SEMA3C: variants seen among roughly 807,000 people sequenced by gnomAD.
The protein encoded by SEMA3C is semaphorin 3C, also known as semaphorin-3C.
A neutral mutation model predicts 89.4 loss-of-function variants in SEMA3C; 47 were observed. That is an observed-to-expected ratio of 0.53 (90% CI 0.42 to 0.67). The LOEUF (loss-of-function observed/expected upper bound fraction) is 0.67, where lower values mean the gene tolerates loss of function less well. SEMA3C is among the 30% of genes least tolerant of loss of function. The pLI is 0.00. For missense variants in SEMA3C, 839 were observed against 929.1 expected, an observed-to-expected ratio of 0.90 and a Z score of 1.26; for synonymous variants, 310 against 320.2, an observed-to-expected ratio of 0.97 and a Z score of 0.34.
intron 2 of SEMA3C, among the ~76,000 whole-genome samples, chr7:80,904,949 C>T (rs1791969795): frequency 6.6e-6 from 1 of 151,736 alleles, no homozygotes; most frequent in South Asian, 2.1e-4. Context: ...TTTCTTTTTC[C>T]TGAATTTTCA....
At chr7:80,871,662 ATGCT>A (rs1332750661) in intron 2 of SEMA3C, among the ~76,000 whole-genome samples, 1 of 152,158 alleles carries the variant, frequency 6.6e-6, no homozygotes, top group Non-Finnish European at 1.5e-5. Context: ...CTGGGCATAA[ATGCT>A]TAAGGTGGAA....
chr7:80,852,596 C>A (rs1790539328), intron 2 of SEMA3C, among the ~76,000 whole-genome samples: 1 of 151,774 alleles, frequency 6.6e-6, no homozygotes, highest in South Asian at 2.1e-4. Flanking sequence ...GGATTAATTA[C>A]CAGAATATAT....
intron 2 of SEMA3C, among the ~76,000 whole-genome samples, chr7:80,892,211 A>G (rs946497690): frequency 6.6e-6 from 1 of 152,160 alleles, no homozygotes; most frequent in African/African-American, 2.4e-5. Context: ...TGCCAAATTG[A>G]CTAGGATCAT....
intron 5 of SEMA3C, among the ~76,000 whole-genome samples, chr7:80,817,352 T>G (rs1431497084): frequency 6.6e-6 from 1 of 152,190 alleles, no homozygotes. Flanking sequence ...CATATTTATT[T>G]TTTTCAAAAT....
intron 2 of SEMA3C, among the ~76,000 whole-genome samples, chr7:80,888,845 C>T (rs1019149508): frequency 4.0e-5 from 6 of 151,858 alleles, no homozygotes; most frequent in African/African-American, 1.5e-4. Context: ...TTGATTTTAT[C>T]TTTTATTTGA....
Position 80,761,433 on chromosome 7 carries a change from C to T in SEMA3C, c.1485+183G>A, listed in dbSNP as rs561038588. On this transcript the variant is annotated intron_variant, in intron 14 of 17. Transcript: ENST00000265361. ...ACTTTTATACAAAAATAAACCTATT[C>T]GGTCTTTCACTAATACCTTGTAAGT... 9.4e-4 allele frequency among the ~76,000 whole-genome samples: 143 copies of T among 152,230 alleles called. No homozygotes were observed. In the Middle Eastern group the frequency reaches 0.01, roughly 11 times the overall value.
chr7:80,768,788 GT>G, intron 12 of SEMA3C, among the ~76,000 whole-genome samples: 1 of 103,314 alleles, frequency 9.7e-6, no homozygotes, highest in Admixed American at 1.0e-4. Flanking sequence ...GGCAAGATTT[GT>G]GTGTGTGTGT....
At chr7:80,840,670 G>T (rs1304131423) in intron 2 of SEMA3C, among the ~76,000 whole-genome samples, 5 of 151,930 alleles carry the variant, frequency 3.3e-5, no homozygotes, top group Non-Finnish European at 7.4e-5. Context: ...GTAAAAAGAT[G>T]ACTCCAAAAA....
At chr7:80,869,316 C>T (rs1298929496) in intron 2 of SEMA3C, among the ~76,000 whole-genome samples, 1 of 152,120 alleles carries the variant, frequency 6.6e-6, no homozygotes. Flanking sequence ...ATCAGCATCT[C>T]ATTACAAGAC....
chr7:80,832,782 C>T (rs778668884), intron 2 of SEMA3C, among the ~76,000 whole-genome samples: 7 of 152,018 alleles, frequency 4.6e-5, no homozygotes, highest in Non-Finnish European at 8.8e-5. Flanking sequence ...CTGAATTAAC[C>T]GGAACTCCAT....
intron 2 of SEMA3C, among the ~76,000 whole-genome samples, chr7:80,897,124 CTCCCTCTAATTTCCCTT>C (rs1241314400): frequency 6.6e-6 from 1 of 152,124 alleles, no homozygotes; most frequent in Non-Finnish European, 1.5e-5. Flanking sequence ...CTCAATTCTT[CTCCCTCTAATTTCCCTT>C]TTAGTAATTA....
intron 2 of SEMA3C, among the ~76,000 whole-genome samples, chr7:80,864,093 C>T (rs1021377898): frequency 1.3e-5 from 2 of 151,878 alleles, no homozygotes; most frequent in African/African-American, 4.8e-5. Context: ...GCATTGGCAG[C>T]AACCTGGATG....
intron 2 of SEMA3C, among the ~76,000 whole-genome samples, chr7:80,842,480 T>C (rs1334199859): frequency 1.3e-5 from 2 of 152,158 alleles, no homozygotes; most frequent in Non-Finnish European, 2.9e-5. Context: ...GCTACCCCAT[T>C]GAGACAAACA....
At chr7:80,769,611 C>A (rs975082399) in intron 12 of SEMA3C, among the ~76,000 whole-genome samples, 1 of 152,076 alleles carries the variant, frequency 6.6e-6, no homozygotes, top group African/African-American at 2.4e-5. Context: ...GTAATCCCAG[C>A]CCTTTGGAGG....
intron 2 of SEMA3C, among the ~76,000 whole-genome samples, 198 bp from the exon 3 acceptor site, chr7:80,828,943 A>C (rs1476877924): frequency 6.6e-6 from 1 of 152,164 alleles, no homozygotes; most frequent in Non-Finnish European, 1.5e-5. Context: ...TATGATGGTC[A>C]CCTGAAGCCA....
intron 2 of SEMA3C, among the ~76,000 whole-genome samples, chr7:80,911,048 G>C (rs78733664): frequency 6.6e-6 from 1 of 151,970 alleles, no homozygotes; most frequent in Admixed American, 6.6e-5. Context: ...TTCCAGAGAG[G>C]TAATTCCCCT....
intron 12 of SEMA3C, among the ~76,000 whole-genome samples, chr7:80,788,830 T>C (rs1447924785): frequency 1.3e-5 from 2 of 152,134 alleles, no homozygotes; most frequent in Admixed American, 6.5e-5. Context: ...CTGTTTCAGT[T>C]GAAAGGAACA....
chr7:80,792,973 G>A (rs1452654141), intron 11 of SEMA3C, among the ~76,000 whole-genome samples: 1 of 152,114 alleles, frequency 6.6e-6, no homozygotes, highest in Non-Finnish European at 1.5e-5. Context: ...CATGTTTATT[G>A]AAACTTCAAG....
chr7:80,751,090 T>G (rs940852605), intron 16 of SEMA3C, among the ~76,000 whole-genome samples, 179 bp downstream of exon 16: 3 of 152,182 alleles, frequency 2.0e-5, no homozygotes, highest in Non-Finnish European at 4.4e-5. Context: ...TACACGATTC[T>G]CAGTATACAT....
Sources: allele counts gnomAD v4.1 joint callset (sites outside exome capture counted in the v4.1 genomes callset), GRCh38; gene constraint gnomAD v4.1.1; transcripts MANE v1.5; gene names NCBI Gene and HGNC (gene_info 2026-07-23, HGNC 2026-07-21).